Variants in GALM observed in about 807,000 individuals in gnomAD.
GALM encodes the protein aldose 1-epimerase.
A neutral mutation model predicts 37.4 loss-of-function variants in GALM; 43 were observed. The ratio of observed to expected loss-of-function variants is 1.15; its 90% CI spans 0.90 to 1.48. The LOEUF (loss-of-function observed/expected upper bound fraction) is 1.48. GALM is among the 40% of genes most tolerant of loss of function. GALM has a pLI of 0.00. For synonymous variants in GALM, 199 were observed against 170.6 expected, an observed-to-expected ratio of 1.17 and a Z score of -1.30; for missense variants, 456 against 419.1, an observed-to-expected ratio of 1.09 and a Z score of -0.77.
chr2:38,728,979 T>C (rs949112903), intron 4 of GALM, among the ~76,000 whole-genome samples: 9 of 152,196 alleles, frequency 5.9e-5, no homozygotes, highest in African/African-American at 1.2e-4. Flanking sequence ...AACTCTGGCT[T>C]TTATGTATAT....
chr2:38,696,222 C>T (rs990923744), intron 4 of GALM, among the ~76,000 whole-genome samples: 4 of 151,672 alleles, frequency 2.6e-5, no homozygotes, highest in Admixed American at 6.6e-5. Flanking sequence ...CGGGTTCAAG[C>T]GATTCTCCTG....
At chr2:38,685,552 C>T (rs1453250808) in intron 3 of GALM, among the ~76,000 whole-genome samples, 1 of 152,164 alleles carries the variant, frequency 6.6e-6, no homozygotes, top group African/African-American at 2.4e-5. Flanking sequence ...AAACACTGAA[C>T]CCAGAGATGG....
chr2:38,675,534 TTTTTTTTTTTGTG>T (rs1371925142), intron 1 of GALM, among the ~76,000 whole-genome samples: 7 of 95,192 alleles, frequency 7.4e-5, no homozygotes, highest in African/African-American at 3.7e-4. Flanking sequence ...TTGTTTTTTT[TTTTTTTTTTTGTG>T]TGTGTGTGTG....
At chr2:38,720,239 T>G (rs1351559449) in intron 4 of GALM, among the ~76,000 whole-genome samples, 1 of 151,924 alleles carries the variant, frequency 6.6e-6, no homozygotes, top group Non-Finnish European at 1.5e-5. Flanking sequence ...TTTTATTGTT[T>G]TAATCTGTCT....
chr2:38,727,195 G>A (rs866577562), intron 4 of GALM, among the ~76,000 whole-genome samples: 32 of 148,600 alleles, frequency 2.2e-4, no homozygotes, highest in South Asian at 4.3e-4. Flanking sequence ...CAGCTTGGGC[G>A]ACAGAGTGAG....
At chr2:38,718,222 T>A (rs1666309484) in intron 4 of GALM, among the ~76,000 whole-genome samples, 1 of 136,994 alleles carries the variant, frequency 7.3e-6, no homozygotes, top group African/African-American at 2.7e-5. Context: ...CTTTTTGAGA[T>A]GGAATCTCCC....
intron 3 of GALM, among the ~76,000 whole-genome samples, chr2:38,687,232 A>G (rs1158586896): frequency 1.3e-5 from 2 of 152,220 alleles, no homozygotes; most frequent in African/African-American, 4.8e-5. Context: ...CAGAAGAGAC[A>G]TCCTCTCTAG....
intron 4 of GALM, among the ~76,000 whole-genome samples, chr2:38,716,732 T>C (rs1311530520): frequency 2.6e-5 from 4 of 152,156 alleles, no homozygotes; most frequent in South Asian, 2.1e-4. Context: ...TAGTCCCAGC[T>C]ACTCAAGAGG....
At chr2:38,712,612 A>G (rs1264659911) in intron 4 of GALM, among the ~76,000 whole-genome samples, 1 of 152,184 alleles carries the variant, frequency 6.6e-6, no homozygotes, top group Non-Finnish European at 1.5e-5. Flanking sequence ...CCCCGCAGAT[A>G]GTTAGATCTA....
chr2:38,674,409 C>T (rs1199802732), intron 1 of GALM, among the ~76,000 whole-genome samples: 6 of 152,040 alleles, frequency 3.9e-5, no homozygotes, highest in Non-Finnish European at 7.4e-5. Context: ...AGGATGGTCT[C>T]AATCTCTTGA....
intron 1 of GALM, among the ~76,000 whole-genome samples, chr2:38,666,702 A>C (rs534176911): frequency 1.3e-5 from 2 of 152,322 alleles, no homozygotes; most frequent in South Asian, 4.1e-4. Context: ...GAGAGGAAAG[A>C]GCAGGCAAGA....
In GALM at chr2:38,668,740, G is replaced by A. The variant is rs990939259; in HGVS notation, c.190+2389G>A. The A allele has an allele frequency of 2.0e-5, 3 of 151,786 alleles. No individual in the cohort carries two copies. The East Asian group carries it at 5.8e-4, about 29-fold the overall frequency. 9.4% of individuals were successfully genotyped at this position (151,786 alleles called of 1,614,324 possible). On this transcript the variant is annotated intron_variant, in intron 1 of 6. Coordinates refer to ENST00000272252, the MANE Select transcript of GALM (RefSeq NM_138801.3). ...GGCCAGGAGTTTGAGACCAGCCTGA[G>A]CAACATAGTGAGACCCTGTCTCTAA...
At chr2:38,667,151 C>G (rs1345875952) in intron 1 of GALM, among the ~76,000 whole-genome samples, 1 of 152,130 alleles carries the variant, frequency 6.6e-6, no homozygotes, top group Non-Finnish European at 1.5e-5. Context: ...GTACATCATG[C>G]TCTCTTAGCA....
chr2:38,729,782 TCA>T, intron 5 of GALM, 85 bp downstream of exon 5: 1 of 1,128,942 alleles, frequency 8.9e-7, no homozygotes, highest in Non-Finnish European at 1.3e-6. Flanking sequence ...TCTGGCCATA[TCA>T]ATAGCATTTA....
intron 4 of GALM, among the ~76,000 whole-genome samples, chr2:38,711,556 C>A (rs1300678667): frequency 6.6e-6 from 1 of 151,900 alleles, no homozygotes; most frequent in Non-Finnish European, 1.5e-5. Flanking sequence ...CACATTTCTT[C>A]CTAGTCAGTT....
At chr2:38,677,624 C>T (rs57091543) in intron 2 of GALM, among the ~76,000 whole-genome samples, 1,934 of 152,298 alleles carry the variant, frequency 0.013, 54 homozygotes, top group African/African-American at 0.044. Flanking sequence ...TAGCTTGCCC[C>T]TGCTCCCCCT....
At chr2:38,674,620 T>C (rs368232869) in intron 1 of GALM, among the ~76,000 whole-genome samples, 1 of 152,192 alleles carries the variant, frequency 6.6e-6, no homozygotes, top group East Asian at 1.9e-4. Context: ...AAACCTACTC[T>C]ATATCCTTGT....
intron 4 of GALM, chr2:38,698,424 G>A (rs1340550447): frequency 7.7e-7 from 1 of 1,302,788 alleles, no homozygotes; most frequent in Non-Finnish European, 1.0e-6. Flanking sequence ...TGGACCAGGA[G>A]CAAAGTTTGC....
At chr2:38,706,111 T>G (rs1168843038) in intron 4 of GALM, among the ~76,000 whole-genome samples, 1 of 151,986 alleles carries the variant, frequency 6.6e-6, no homozygotes, top group African/African-American at 2.4e-5. Flanking sequence ...GTTCAAGCGA[T>G]TCTCCTGCTT....
Sources: gnomAD v4.1 joint callset for allele counts (sites outside exome capture counted in the v4.1 genomes callset) on GRCh38, gnomAD v4.1.1 for gene constraint, MANE v1.5 for transcripts, NCBI Gene and HGNC (gene_info 2026-07-23, HGNC 2026-07-21) for gene names.